GNA11: variants seen among roughly 807,000 people sequenced by gnomAD.
The protein encoded by GNA11 is G protein subunit alpha 11, also known as guanine nucleotide-binding protein subunit alpha-11.
In GNA11, 8 loss-of-function variants were observed where a neutral mutation model predicts 38.2. The ratio of observed to expected loss-of-function variants is 0.21; its 90% confidence interval spans 0.12 to 0.38. The LOEUF (loss-of-function observed/expected upper bound fraction) is 0.38, where lower values mean the gene tolerates loss of function less well. GNA11 is among the 10% of genes least tolerant of loss of function. The pLI is 1.00. For missense variants in GNA11, 268 were observed against 516.3 expected, an observed-to-expected ratio of 0.52 and a Z score of 4.66; for synonymous variants, 211 against 221.4, an observed-to-expected ratio of 0.95 and a Z score of 0.42.
rs1297490231 is a variant in GNA11 at position 3,122,740 on chromosome 19, C to T, written c.*1561C>T. The T allele has an allele frequency of 2.1e-5, 5 of 233,510 alleles. No individual in the cohort carries two copies. Among genetic ancestry groups the T allele is most frequent in the Non-Finnish European group, 4.2e-5 (5 of 118,368 alleles). 14.5% of individuals were successfully genotyped at this position (233,510 alleles called of 1,614,324 possible). On this transcript the variant is annotated 3_prime_UTR_variant, in exon 7 of 7. Coordinates refer to ENST00000078429, the MANE Select transcript of GNA11 (RefSeq NM_002067.5). This position sits in a 1 kb window ranked among gnomAD's most constrained non-coding sequence, Gnocchi z 7.7. ...CTCGACAGATGACAAAAGAAACAGCCCCAAAATACGACCACTCCAACCAGC... is the reference window on the plus strand; with the variant it reads ...CTCGACAGATGACAAAAGAAACAGCTCCAAAATACGACCACTCCAACCAGC...
chr19:3,115,172 G>A (rs2145321530), intron 4 of GNA11, 100 bp downstream of exon 4: 1 of 1,368,322 alleles, frequency 7.3e-7, no homozygotes, highest in Non-Finnish European at 1.0e-6. Flanking sequence ...GGGAGGCCAA[G>A]GCGGGAGGAT....
In GNA11 at chr19:3,120,169, C is replaced by T. The variant is rs1914031901; in HGVS notation, c.889+810C>T. ...CGGGAGGGCCCCTCAGGGTGCCCTG[C>T]CTCTGGATGTGCAGCGAGAGGGAGG... is the stretch of plus-strand genomic sequence containing the variant. On this transcript the variant is annotated intron_variant, in intron 6 of 6. Transcript: ENST00000078429. The surrounding 1 kb of genome is among the most constrained non-coding windows in gnomAD (Gnocchi z 5.9). Among the ~76,000 whole-genome samples the T allele has an allele frequency of 9.9e-5, 15 of 152,130 alleles. No homozygotes were observed. The highest frequency in any genetic ancestry group is 9.8e-4 in the Admixed American group (15 of 15,284).
chr19:3,095,278 C>G (rs1458562909), intron 1 of GNA11, among the ~76,000 whole-genome samples: 1 of 152,138 alleles, frequency 6.6e-6, no homozygotes, highest in African/African-American at 2.4e-5. Flanking sequence ...ATTGGGCCTC[C>G]AGGACTCTTC....
chr19:3,094,445 G>T lies in GNA11; in HGVS notation c.-207G>T. 6.8e-6 allele frequency: 1 copy of T among 147,126 alleles called. No individual in the cohort carries two copies. Among genetic ancestry groups the T allele is most frequent in the South Asian group, 1.8e-4 (1 of 5,520 alleles). 9.1% of individuals were successfully genotyped at this position (147,126 alleles called of 1,614,324 possible). A position where few individuals can be genotyped will look rare whatever the true frequency, so the allele number is the denominator to read the frequency against. The stretch of plus-strand genomic sequence containing the variant: ...CGGCGCGGGCTGAGTGCGGCCGCGC[G>T]GGAGTCCGCGGCTGGCGCGGCCCGA... On this transcript the variant is annotated 5_prime_UTR_variant, in exon 1 of 7. Transcript: ENST00000078429. The surrounding 1 kb of genome is among the most constrained non-coding windows in gnomAD (Gnocchi z 6.0).
chr19:3,115,859 A>G (rs55761140), intron 4 of GNA11, among the ~76,000 whole-genome samples: 14,478 of 38,250 alleles, frequency 0.38, 2,145 homozygotes, highest in Middle Eastern at 0.44. Flanking sequence ...GAGGGGTCAT[A>G]GGGACTGAGG....
In GNA11 at chr19:3,122,241, T is replaced by G. The variant is rs2145330963; in HGVS notation, c.*1062T>G. ...CTTTTACAGAATATTCTCAGGTGTG[T>G]ACCCGAGAGGCAGAGAGAGGGACGT... On this transcript the variant is annotated 3_prime_UTR_variant, in exon 7 of 7. Coordinates refer to ENST00000078429, the MANE Select transcript of GNA11 (RefSeq NM_002067.5). The surrounding 1 kb of genome is among the most constrained non-coding windows in gnomAD (Gnocchi z 7.7). 4.3e-6 allele frequency: 1 copy of G among 232,764 alleles called. No individual in the cohort carries two copies. The highest frequency in any genetic ancestry group is 1.8e-4 in the South Asian group (1 of 5,532). 14.4% of individuals were successfully genotyped at this position (232,764 alleles called of 1,614,324 possible). A position where few individuals can be genotyped will look rare whatever the true frequency, so the allele number is the denominator to read the frequency against.
At chr19:3,118,771 AGCGTCCT>A (rs1913988121) in intron 4 of GNA11, 146 bp from the exon 5 acceptor site, 1 of 687,956 alleles carries the variant, frequency 1.5e-6, no homozygotes, top group Admixed American at 2.6e-5. Context: ...GCTCTCTGAG[AGCGTCCT>A]TGCCCGTTCT....
At chr19:3,113,919 C>T (rs2099772821) in intron 3 of GNA11, among the ~76,000 whole-genome samples, 1 of 152,204 alleles carries the variant, frequency 6.6e-6, no homozygotes, top group African/African-American at 2.4e-5. Flanking sequence ...CTGGCTGTGA[C>T]CTTGACTGAT....
In GNA11 at chr19:3,123,900, C is replaced by T. The variant is rs943783076; in HGVS notation, c.*2721C>T. On this transcript the variant is annotated 3_prime_UTR_variant, in exon 7 of 7. Coordinates refer to ENST00000078429, the MANE Select transcript of GNA11 (RefSeq NM_002067.5). Reference sequence around the variant, plus strand: ...GCTCAGTGTCACCTCCCACAGCCACCGGCCCTGACCCTTAATCCAGACACC... The same window carrying T: ...GCTCAGTGTCACCTCCCACAGCCACTGGCCCTGACCCTTAATCCAGACACC... 8 of 232,126 alleles carry T rather than the reference C, an allele frequency of 3.4e-5. No individual in the cohort carries two copies. In the South Asian group the frequency reaches 1.3e-3, roughly 37 times the overall value. 14.4% of individuals were successfully genotyped at this position (232,126 alleles called of 1,614,324 possible). A position where few individuals can be genotyped will look rare whatever the true frequency, so the allele number is the denominator to read the frequency against.
intron 2 of GNA11, among the ~76,000 whole-genome samples, chr19:3,112,692 G>A (rs1214694128): frequency 6.6e-6 from 1 of 152,274 alleles, no homozygotes; most frequent in African/African-American, 2.4e-5. Flanking sequence ...TCGTGTTGGG[G>A]CACCATGTAA....
Position 3,108,349 on chromosome 19 carries a change from T to TG in GNA11, c.137-1795dup, listed in dbSNP as rs764634207. 5.9e-5 allele frequency among the ~76,000 whole-genome samples: 9 copies of TG among 151,636 alleles called. No homozygotes were observed. Among genetic ancestry groups the TG allele is most frequent in the Non-Finnish European group, 1.2e-4 (8 of 68,010 alleles). ...CCGGAGGGAGAGTTGTGTTGGGGCT[T>TG]GGGGGCTTTCTAGAGCAGAGGCTGT... On this transcript the variant is annotated intron_variant, in intron 1 of 6. Transcript: ENST00000078429. The surrounding 1 kb of genome is among the most constrained non-coding windows in gnomAD (Gnocchi z 4.5).
chr19:3,113,076 C>T (rs973223734), intron 2 of GNA11, among the ~76,000 whole-genome samples: 31 of 152,374 alleles, frequency 2.0e-4, no homozygotes, highest in African/African-American at 5.8e-4. Context: ...AATCGAAGCC[C>T]GGCCTCCCCG....
chr19:3,106,111 G>T (rs2145311726), intron 1 of GNA11, among the ~76,000 whole-genome samples: 1 of 152,306 alleles, frequency 6.6e-6, no homozygotes, highest in African/African-American at 2.4e-5. Context: ...CTGGGTCAGG[G>T]TGGAGCCATG....
chr19:3,121,256 G>A lies in GNA11; in HGVS notation c.*77G>A. On this transcript the variant is annotated 3_prime_UTR_variant, in exon 7 of 7. Coordinates refer to ENST00000078429, the MANE Select transcript of GNA11 (RefSeq NM_002067.5). ...CACGGAGCCTGCGGCTGCCGGGCGG[G>A]TGGCGCTGCCGAGTCCGGGCCGGGG... The A allele has an allele frequency of 1.6e-6, 2 of 1,217,226 alleles. No individual in the cohort carries two copies. Among genetic ancestry groups the A allele is most frequent in the East Asian group, 2.5e-5 (1 of 39,274 alleles). The allele number at this position is 1,217,226 out of a possible 1,614,324, so 75.4% of individuals were successfully genotyped here.
At chr19:3,106,214 TGA>T (rs1282762399) in intron 1 of GNA11, among the ~76,000 whole-genome samples, 1 of 152,114 alleles carries the variant, frequency 6.6e-6, no homozygotes, top group African/African-American at 2.4e-5. Context: ...CCCTGGATGT[TGA>T]GCCCCAGCCG....
chr19:3,114,936 T>C lies in GNA11; in HGVS notation c.477-8T>C, dbSNP rs2145320625. On this transcript the variant is annotated splice_polypyrimidine_tract_variant and splice_region_variant and intron_variant, in intron 3 of 6. Transcript: ENST00000078429. Reference sequence around the variant, plus strand: ...CAGCCGGCCTGAGCACCCACCGCTGTGTTGCAGCTACCTGACCGACGTTGA... The same window carrying C: ...CAGCCGGCCTGAGCACCCACCGCTGCGTTGCAGCTACCTGACCGACGTTGA... 6.2e-7 allele frequency: 1 copy of C among 1,600,744 alleles called. No homozygotes were observed. Among genetic ancestry groups the C allele is most frequent in the Non-Finnish European group, 8.5e-7 (1 of 1,174,764 alleles).
chr19:3,101,859 C>T (rs975415576), intron 1 of GNA11, among the ~76,000 whole-genome samples: 2 of 152,060 alleles, frequency 1.3e-5, no homozygotes, highest in South Asian at 2.1e-4. Flanking sequence ...TTTGAGAGGC[C>T]GAGTCAGGCA....
At chr19:3,099,623 G>A (rs1275067393) in intron 1 of GNA11, among the ~76,000 whole-genome samples, 1 of 152,156 alleles carries the variant, frequency 6.6e-6, no homozygotes, top group African/African-American at 2.4e-5. Flanking sequence ...GACTCTCGCT[G>A]TCATCTGGGC....
intron 1 of GNA11, among the ~76,000 whole-genome samples, chr19:3,096,554 G>A (rs1265623697): frequency 1.3e-5 from 2 of 152,188 alleles, no homozygotes; most frequent in Admixed American, 1.3e-4. Context: ...GATTGACACG[G>A]GGTTCAAGGA....
Sources: allele counts gnomAD v4.1 joint callset (sites outside exome capture counted in the v4.1 genomes callset), GRCh38; gene constraint gnomAD v4.1.1; non-coding constraint Gnocchi (gnomAD v3.1); transcripts MANE v1.5; gene names NCBI Gene and HGNC (gene_info 2026-07-23, HGNC 2026-07-21).